The following ALMS1 variants were observed in gnomAD, a reference collection of about 807,000 sequenced individuals.
ALMS1 encodes centrosome-associated protein ALMS1.
ALMS1 carries 271 observed loss-of-function variants against 352.2 expected under a neutral mutation model. That is an observed-to-expected ratio of 0.77 (90% CI 0.70 to 0.85). The LOEUF (loss-of-function observed/expected upper bound fraction) is 0.85, where lower values mean the gene tolerates loss of function less well. ALMS1 is among the 40% of genes least tolerant of loss of function. The pLI, the probability that ALMS1 is intolerant of heterozygous loss-of-function variation, is 0.00. For synonymous variants in ALMS1, 1,865 were observed against 1,761.2 expected (o/e 1.06, Z -1.48); for missense variants, 5,445 against 4,870.7 (o/e 1.12, Z -3.51).
intron 11 of ALMS1, among the ~76,000 whole-genome samples, chr2:73,523,145 A>G (rs561528227): frequency 3.9e-5 from 6 of 152,334 alleles, no homozygotes; most frequent in South Asian, 2.1e-4. Context: ...AGTACCATCT[A>G]TGGTTCAGAG....
At chr2:73,474,244 A>G (rs1186932351) in intron 9 of ALMS1, among the ~76,000 whole-genome samples, 1 of 152,098 alleles carries the variant, frequency 6.6e-6, no homozygotes, top group Non-Finnish European at 1.5e-5. Flanking sequence ...TATTTAAAAA[A>G]TTGAGAATTT....
rs1672940275 is a variant in ALMS1, at chr2:73,489,945, C to T, written c.7986C>T (p.Phe2662=). 1 of 1,614,182 alleles carries T rather than the reference C, an allele frequency of 6.2e-7. No individual in the cohort carries two copies. Among genetic ancestry groups the T allele is most frequent in the South Asian group, 1.1e-5 (1 of 91,082 alleles). The change falls in exon 10 of 23, where the codon TTC becomes TTT. Residue 2662 remains phenylalanine, a synonymous_variant. Coordinates refer to ENST00000613296, the MANE Select transcript of ALMS1 (RefSeq NM_001378454.1). ...TTCAGAACTTTATACCTGATGAATTCAAAATCAGCAAAGGTCTTCGAATGC... is the reference window on the plus strand; with the variant it reads ...TTCAGAACTTTATACCTGATGAATTTAAAATCAGCAAAGGTCTTCGAATGC... The part of the protein sequence containing the change: ...SPFQNFIPDE[F]KISKGLRMPF...
At chr2:73,573,920 T>C (rs754156655) in intron 16 of ALMS1, among the ~76,000 whole-genome samples, 3 of 152,030 alleles carry the variant, frequency 2.0e-5, no homozygotes, top group East Asian at 1.9e-4. Flanking sequence ...TACAATATGA[T>C]TTTTTAAAAA....
At chr2:73,597,302 G>C (rs1675573146) in intron 16 of ALMS1, among the ~76,000 whole-genome samples, 1 of 151,994 alleles carries the variant, frequency 6.6e-6, no homozygotes, top group African/African-American at 2.4e-5. Context: ...GGGTAACCTT[G>C]GTTATTAGTT....
rs563297271 is a variant in ALMS1 at position 73,542,289 on chromosome 2, G to A, written c.9907+7340G>A. On this transcript the variant is annotated intron_variant, in intron 12 of 22. Coordinates refer to ENST00000613296, the MANE Select transcript of ALMS1 (RefSeq NM_001378454.1). Reference sequence around the variant, plus strand: ...AAACCACATGATTATCTCAATAGATGCAGAAAAGGCCTTTGACAAAATTCA... The same window carrying A: ...AAACCACATGATTATCTCAATAGATACAGAAAAGGCCTTTGACAAAATTCA... Among the ~76,000 whole-genome samples the A allele has an allele frequency of 2.3e-3, 355 of 152,272 alleles. 1 individual carries two copies. Among genetic ancestry groups the A allele is most frequent in the Non-Finnish European group, 4.2e-3 (288 of 68,024 alleles).
At chr2:73,408,782 T>G (rs1479163763) in intron 2 of ALMS1, 35 bp downstream of exon 2, 1 of 1,602,634 alleles carries the variant, frequency 6.2e-7, no homozygotes, top group Non-Finnish European at 8.5e-7. Context: ...TTTTTTTTTT[T>G]GATAAGCAGC....
rs773001323 is a variant in ALMS1 at position 73,450,893 on chromosome 2, T to G, written c.4366T>G (p.Ser1456Ala). 4 of 1,614,126 alleles carry G rather than the reference T, an allele frequency of 2.5e-6. No individual in the cohort carries two copies. The Admixed American group carries it at 6.7e-5, about 27-fold the overall frequency. ...SHLPEEALEV[S>A]VAPGPVDQTI... is the part of the protein sequence containing the mutation. ...TCTACCTGAAGAGGCTTTGGAAGTT[T>G]CAGTTGCTCCTGGACCAGTTGACCA... Residue 1456 changes from serine to alanine, a missense_variant, in exon 8 of 23, where the codon TCA becomes GCA. Physicochemically the swap from Ser to Ala is moderately conservative, Grantham distance 99. Coordinates refer to ENST00000613296, the MANE Select transcript of ALMS1 (RefSeq NM_001378454.1).
intron 2 of ALMS1, among the ~76,000 whole-genome samples, chr2:73,418,538 A>G (rs769248408): frequency 2.6e-5 from 4 of 152,210 alleles, no homozygotes; most frequent in Non-Finnish European, 5.9e-5. Context: ...AACTGTGTAA[A>G]AATTTCCCAG....
chr2:73,543,179 C>T (rs1302231506), intron 12 of ALMS1, among the ~76,000 whole-genome samples: 11 of 152,098 alleles, frequency 7.2e-5, no homozygotes, highest in South Asian at 2.1e-4. Context: ...TATAGACCAA[C>T]GGAACAGAAC....
At chr2:73,568,725 A>T (rs963529687) in intron 15 of ALMS1, among the ~76,000 whole-genome samples, 1 of 152,200 alleles carries the variant, frequency 6.6e-6, no homozygotes, top group Non-Finnish European at 1.5e-5. Context: ...TTTAATTTTT[A>T]AAAGTCTGCA....
At chr2:73,529,455 G>A (rs566715341) in intron 11 of ALMS1, among the ~76,000 whole-genome samples, 19 of 152,284 alleles carry the variant, frequency 1.2e-4, no homozygotes, top group Non-Finnish European at 2.5e-4. Context: ...TTTCATAGAT[G>A]GTCTAGAAGC....
intron 6 of ALMS1, among the ~76,000 whole-genome samples, chr2:73,431,415 GAAAT>G (rs1671497232): frequency 6.6e-6 from 1 of 152,180 alleles, no homozygotes; most frequent in Non-Finnish European, 1.5e-5. Flanking sequence ...AGATGTGACT[GAAAT>G]AATCTTTTTA....
intron 18 of ALMS1, 25 bp downstream of exon 18, chr2:73,600,906 T>C: frequency 2.5e-6 from 4 of 1,604,938 alleles, no homozygotes; most frequent in Non-Finnish European, 3.4e-6. Flanking sequence ...CCAGATCTTG[T>C]AGTAGAGAAA....
Position 73,449,302 on chromosome 2 carries a change from T to C in ALMS1, c.2775T>C (p.Phe925=), listed in dbSNP as rs958251140. ...TTTCCCAGCAGACCCTGCCAGACTT[T>C]CTTTTCCCTGAAGAAGCTCTGAAGG... ...IIFSQQTLPD[F]LFPEEALKVS... is the part of the protein sequence containing the mutation. Residue 925 remains phenylalanine, a synonymous_variant, in exon 8 of 23, where the codon TTT becomes TTC. Transcript: ENST00000613296. 3.7e-6 allele frequency: 6 copies of C among 1,613,872 alleles called. No individual in the cohort carries two copies. The African/African-American group carries it at 6.7e-5, about 18-fold the overall frequency.
rs909204912 is a variant in ALMS1 at position 73,573,327 on chromosome 2, G to A, written c.11450G>A (p.Arg3817Lys). 2 of 1,613,972 alleles carry A rather than the reference G, an allele frequency of 1.2e-6. No individual in the cohort carries two copies. Among genetic ancestry groups the A allele is most frequent in the Admixed American group, 1.7e-5 (1 of 59,972 alleles). ...TATAGCAGCATCACCAACCAACAGA[G>A]GAGATACCTTGAGAAGCGGAGCAAA... is the stretch of plus-strand genomic sequence containing the variant. ...KLYSSITNQQ[R>K]RYLEKRSKHS... Residue 3817 changes from arginine (R) to lysine (K), a missense_variant, in exon 16 of 23, where the codon AGG becomes AAG. Coordinates refer to ENST00000613296, the MANE Select transcript of ALMS1 (RefSeq NM_001378454.1).
At chr2:73,545,018 G>A (rs1432601664) in intron 12 of ALMS1, among the ~76,000 whole-genome samples, 1 of 152,078 alleles carries the variant, frequency 6.6e-6, no homozygotes, top group Non-Finnish European at 1.5e-5. Context: ...GTTTACTAGG[G>A]GCTGGGGCTA....
chr2:73,488,991 G>A (rs574914016), intron 9 of ALMS1, among the ~76,000 whole-genome samples: 51 of 152,068 alleles, frequency 3.4e-4, no homozygotes, highest in Non-Finnish European at 7.1e-4. Flanking sequence ...ATTTTTTCAC[G>A]TCATTGTTCA....
In ALMS1 at chr2:73,489,820, T is replaced by A. The variant is rs1256068842; in HGVS notation, c.7861T>A (p.Ser2621Thr). Residue 2621 changes from serine to threonine, a missense_variant, in exon 10 of 23, where the codon TCA becomes ACA. Transcript: ENST00000613296. Reference protein sequence around the residue: ...EMTRGRQNPSSCRAKHVNLSA... With the variant: ...EMTRGRQNPSTCRAKHVNLSA... ...GACCAGAGGACGGCAGAACCCATCA[T>A]CATGCAGAGCCAAGCATGTCAACCT... 1 of 1,614,030 alleles carries A rather than the reference T, an allele frequency of 6.2e-7. No individual in the cohort carries two copies. Among genetic ancestry groups the A allele is most frequent in the Non-Finnish European group, 8.5e-7 (1 of 1,180,036 alleles).
At chr2:73,455,384 C>T in intron 9 of ALMS1, 89 bp downstream of exon 9, 1 of 1,547,052 alleles carries the variant, frequency 6.5e-7, no homozygotes, top group Non-Finnish European at 8.8e-7. Flanking sequence ...AGTTGAGTTG[C>T]TGATAATATT....
Sources: gnomAD v4.1 joint callset for allele counts (sites outside exome capture counted in the v4.1 genomes callset) on GRCh38, gnomAD v4.1.1 for gene constraint, MANE v1.5 for transcripts, NCBI Gene and HGNC (gene_info 2026-07-23, HGNC 2026-07-21) for gene names.